Variants in GALNT18 observed in about 807,000 individuals in gnomAD.
GALNT18 encodes GalNAc-transferase 18.
Under a neutral mutation model 69.5 loss-of-function variants are expected in GALNT18, and 44 were observed. The ratio of observed to expected loss-of-function variants is 0.63; its 90% CI spans 0.50 to 0.81. The LOEUF is 0.81. Among genes scored for constraint, GALNT18 ranks in the 40% least tolerant of loss-of-function variants. GALNT18 has a pLI of 0.00. For missense variants in GALNT18, 715 were observed against 810.0 expected (o/e 0.88, Z 1.42); for synonymous variants, 364 against 318.2 (o/e 1.14, Z -1.53).
rs986147540 is a variant in GALNT18 at position 11,463,877 on chromosome 11, G to A, written c.236-14941C>T. Among the ~76,000 whole-genome samples the A allele has an allele frequency of 7.2e-5, 11 of 152,130 alleles. No individual in the cohort carries two copies. Among genetic ancestry groups the A allele is most frequent in the East Asian group, 1.9e-4 (1 of 5,196 alleles). On this transcript the variant is annotated intron_variant, in intron 1 of 10. Transcript: ENST00000227756. The surrounding 1 kb of genome is among the most constrained non-coding windows in gnomAD (Gnocchi z 4.2). Reference sequence around the variant, plus strand: ...TGTATTATGAATGCAGTATGTGTCCGGCGGAATGTGTGCAAAAACCGTCAT... The same window carrying A: ...TGTATTATGAATGCAGTATGTGTCCAGCGGAATGTGTGCAAAAACCGTCAT...
chr11:11,536,817 G>C (rs879271966), intron 1 of GALNT18, among the ~76,000 whole-genome samples: 9 of 152,212 alleles, frequency 5.9e-5, no homozygotes, highest in Admixed American at 1.3e-4. Flanking sequence ...GTGCATTCCT[G>C]CTTTGCAAAA....
At chr11:11,557,025 C>A (rs1219344417) in intron 1 of GALNT18, among the ~76,000 whole-genome samples, 1 of 152,128 alleles carries the variant, frequency 6.6e-6, no homozygotes, top group African/African-American at 2.4e-5. Flanking sequence ...GGCTCCCATG[C>A]CAGGCCTTGG....
At position 11,572,994 on chromosome 11, in the gene GALNT18, T is replaced by C. The variant is rs150920275; in HGVS notation, c.235+48365A>G. On this transcript the variant is annotated intron_variant, in intron 1 of 10. Coordinates refer to ENST00000227756, the MANE Select transcript of GALNT18 (RefSeq NM_198516.3). ...AACTCTTTCAAGTGGTCACTTCTCT[T>C]AGTCCTCACAGTAGTCCCATGAAGG... Among the ~76,000 whole-genome samples, 23 of 150,702 alleles carry C rather than the reference T, an allele frequency of 1.5e-4. No homozygotes were observed. The East Asian group carries it at 4.2e-3, about 28-fold the overall frequency.
intron 10 of GALNT18, 72 bp from the exon 11 acceptor site, chr11:11,271,362 A>G (rs1158887277): frequency 1.3e-6 from 2 of 1,517,036 alleles, no homozygotes; most frequent in Non-Finnish European, 1.8e-6. Context: ...GCCTCAGGCC[A>G]AGTGGCTGGT....
chr11:11,532,214 G>A (rs1269899622), intron 1 of GALNT18, among the ~76,000 whole-genome samples: 1 of 152,144 alleles, frequency 6.6e-6, no homozygotes, highest in Non-Finnish European at 1.5e-5. Flanking sequence ...AAGAGGAAGG[G>A]AGCGGAGAGG....
chr11:11,350,645 G>A (rs1345723694), intron 6 of GALNT18, among the ~76,000 whole-genome samples: 2 of 152,190 alleles, frequency 1.3e-5, no homozygotes, highest in Non-Finnish European at 2.9e-5. Context: ...GCAGTCAGGA[G>A]GGTGCAAATC....
In GALNT18 at chr11:11,614,901, C is replaced by A. The variant is rs1860009526; in HGVS notation, c.235+6458G>T. 6.6e-6 allele frequency among the ~76,000 whole-genome samples: 1 copy of A among 152,170 alleles called. No individual in the cohort carries two copies. On this transcript the variant is annotated intron_variant, in intron 1 of 10. Coordinates refer to ENST00000227756, the MANE Select transcript of GALNT18 (RefSeq NM_198516.3). This position sits in a 1 kb window ranked among gnomAD's most constrained non-coding sequence, Gnocchi z 5.6. Reference sequence around the variant, plus strand: ...TATTTTACAGCCTACACACTTCTGGCTAAAAATGAAGATTCTTTGGTCACG... The same window carrying A: ...TATTTTACAGCCTACACACTTCTGGATAAAAATGAAGATTCTTTGGTCACG...
At chr11:11,333,568 C>T (rs948186799) in intron 7 of GALNT18, among the ~76,000 whole-genome samples, 4 of 152,152 alleles carry the variant, frequency 2.6e-5, no homozygotes, top group South Asian at 2.1e-4. Flanking sequence ...CGTTACTCTA[C>T]GTGTTTGGAA....
At chr11:11,299,421 C>T (rs953747753) in intron 9 of GALNT18, among the ~76,000 whole-genome samples, 1 of 152,230 alleles carries the variant, frequency 6.6e-6, no homozygotes, top group African/African-American at 2.4e-5. Flanking sequence ...GCTGGGATTA[C>T]AGGCACAGCC....
intron 10 of GALNT18, among the ~76,000 whole-genome samples, chr11:11,289,590 G>A (rs1043229091): frequency 4.6e-5 from 7 of 152,206 alleles, no homozygotes; most frequent in African/African-American, 1.7e-4. Flanking sequence ...TTCCTTCTCT[G>A]CCATAGCCAG....
In GALNT18 at chr11:11,320,915, G is replaced by C. The variant is rs1478849915; in HGVS notation, c.1512+6171C>G. Among the ~76,000 whole-genome samples, 1 of 152,156 alleles carries C rather than the reference G, an allele frequency of 6.6e-6. No homozygotes were observed. Among genetic ancestry groups the C allele is most frequent in the African/African-American group, 2.4e-5 (1 of 41,428 alleles). On this transcript the variant is annotated intron_variant, in intron 9 of 10. Transcript: ENST00000227756. This position sits in a 1 kb window ranked among gnomAD's most constrained non-coding sequence, Gnocchi z 4.9. Reference sequence around the variant, plus strand: ...CAAACCTCCCTACACAGCACTGCTAGTTGTGCATCTGAGCATGGCCTGGCG... The same window carrying C: ...CAAACCTCCCTACACAGCACTGCTACTTGTGCATCTGAGCATGGCCTGGCG...
At chr11:11,501,566 T>C (rs1415772240) in intron 1 of GALNT18, among the ~76,000 whole-genome samples, 1 of 152,202 alleles carries the variant, frequency 6.6e-6, no homozygotes, top group African/African-American at 2.4e-5. Context: ...TATGTAATAA[T>C]GTGTCTTCCC....
Position 11,396,161 on chromosome 11 carries a change from G to A in GALNT18, c.596-16897C>T, listed in dbSNP as rs12221888. Among the ~76,000 whole-genome samples the A allele has an allele frequency of 1.6e-4, 24 of 152,344 alleles. No homozygotes were observed. The highest frequency in any genetic ancestry group is 4.8e-4 in the African/African-American group (20 of 41,550). On this transcript the variant is annotated intron_variant, in intron 3 of 10. Coordinates refer to ENST00000227756, the MANE Select transcript of GALNT18 (RefSeq NM_198516.3). The surrounding 1 kb of genome is among the most constrained non-coding windows in gnomAD (Gnocchi z 5.2). Reference sequence around the variant, plus strand: ...GTCTGGGCAGGAAACCGAGGAACTCGGATAGCTGTGTGATACATTCATTGC... The same window carrying A: ...GTCTGGGCAGGAAACCGAGGAACTCAGATAGCTGTGTGATACATTCATTGC...
chr11:11,293,878 G>T (rs1484667234), intron 9 of GALNT18, among the ~76,000 whole-genome samples: 1 of 151,756 alleles, frequency 6.6e-6, no homozygotes, highest in South Asian at 2.1e-4. Flanking sequence ...AAAAAGCCTG[G>T]ATTGCGCCTT....
intron 1 of GALNT18, among the ~76,000 whole-genome samples, chr11:11,544,070 T>C (rs1287966019): frequency 6.6e-6 from 1 of 152,218 alleles, no homozygotes; most frequent in African/African-American, 2.4e-5. Context: ...TGCCAGCCCC[T>C]CTAGAGGCAA....
intron 6 of GALNT18, among the ~76,000 whole-genome samples, chr11:11,346,049 T>C (rs1029727237): frequency 6.6e-6 from 1 of 152,238 alleles, no homozygotes; most frequent in African/African-American, 2.4e-5. Flanking sequence ...ACGTCCTGAA[T>C]AATTTATCCC....
Position 11,604,723 on chromosome 11 carries a change from G to A in GALNT18, c.235+16636C>T, listed in dbSNP as rs541119266. Among the ~76,000 whole-genome samples the A allele has an allele frequency of 1.3e-5, 2 of 152,172 alleles. No individual in the cohort carries two copies. The highest frequency in any genetic ancestry group is 4.8e-5 in the African/African-American group (2 of 41,520). ...CAAAGAGAAAGGGATAAGGAATTTG[G>A]GAAGCTTTTCTGCCCCAGGGAAGAA... On this transcript the variant is annotated intron_variant, in intron 1 of 10. Coordinates refer to ENST00000227756, the MANE Select transcript of GALNT18 (RefSeq NM_198516.3). The surrounding 1 kb of genome is among the most constrained non-coding windows in gnomAD (Gnocchi z 5.6).
intron 3 of GALNT18, among the ~76,000 whole-genome samples, chr11:11,417,712 C>G (rs1015334034): frequency 6.6e-6 from 1 of 152,200 alleles, no homozygotes; most frequent in African/African-American, 2.4e-5. Context: ...CACTGTCTAG[C>G]CTTGTTAGGC....
At chr11:11,303,416 G>C (rs1454966971) in intron 9 of GALNT18, among the ~76,000 whole-genome samples, 1 of 152,088 alleles carries the variant, frequency 6.6e-6, no homozygotes, top group Non-Finnish European at 1.5e-5. Flanking sequence ...AATGCTTCTA[G>C]AACTGCCTTT....
Sources: gnomAD v4.1 joint callset for allele counts (sites outside exome capture counted in the v4.1 genomes callset) on GRCh38, gnomAD v4.1.1 for gene constraint, Gnocchi (gnomAD v3.1) non-coding constraint, MANE v1.5 for transcripts, NCBI Gene and HGNC (gene_info 2026-07-23, HGNC 2026-07-21) for gene names.